SEMA6B: variants seen among roughly 807,000 people sequenced by gnomAD.
SEMA6B encodes the protein semaphorin-6B.
SEMA6B carries 47 observed loss-of-function variants against 78.6 expected under a neutral mutation model. The observed-to-expected ratio is 0.60, with a 90% CI of 0.47 to 0.76. SEMA6B has a LOEUF of 0.76. SEMA6B is among the 30% of genes least tolerant of loss of function. The pLI is 0.00. For missense variants in SEMA6B, 1,213 were observed against 1,269.9 expected (o/e 0.96, Z 0.68); for synonymous variants, 632 against 592.2 (o/e 1.07, Z -0.98).
Position 4,542,723 on chromosome 19 carries a change from CG to C in SEMA6B, c.*877del, listed in dbSNP as rs1406764807. 5.8e-6 allele frequency: 4 copies of C among 688,308 alleles called. No homozygotes were observed. In the African/African-American group the frequency reaches 7.0e-5, roughly 12 times the overall value. 42.6% of individuals were successfully genotyped at this position (688,308 alleles called of 1,614,324 possible). A position where few individuals can be genotyped will look rare whatever the true frequency, so the allele number is the denominator to read the frequency against. ...TCAGAGGGGGGAGGTCACAAGGGGA[CG>C]GGTGGCATGGGACTCTCTCACCACC... On this transcript the variant is annotated 3_prime_UTR_variant, in exon 17 of 17. Coordinates refer to ENST00000586582, the MANE Select transcript of SEMA6B (RefSeq NM_032108.4).
chr19:4,550,272 C>A lies in SEMA6B; in HGVS notation c.1122G>T (p.Arg374=). The A allele has an allele frequency of 1.2e-5, 19 of 1,613,556 alleles. No individual in the cohort carries two copies. The highest frequency in any genetic ancestry group is 1.6e-5 in the Non-Finnish European group (19 of 1,179,954). Residue 374 remains arginine (R), a splice_region_variant and synonymous_variant, in exon 12 of 17, where the codon CGG becomes CGT. Transcript: ENST00000586582. The surrounding 1 kb of genome is among the most constrained non-coding windows in gnomAD (Gnocchi z 6.6). The part of the protein sequence containing the change: ...PVPEDQVPRP[R]PGCCAAPGMQ... ...TCCCGGGGGCTGCGCAGCACCCGGGCCTGGGGGTGACAAGGGTGTGGTCAG... is the reference window on the plus strand; with the variant it reads ...TCCCGGGGGCTGCGCAGCACCCGGGACTGGGGGTGACAAGGGTGTGGTCAG...
intron 12 of SEMA6B, 119 bp from the exon 13 acceptor site, chr19:4,548,564 CA>C (rs1182957279): frequency 2.2e-6 from 2 of 907,016 alleles, no homozygotes; most frequent in Non-Finnish European, 3.4e-6. Flanking sequence ...CATGTGACAG[CA>C]ATAAATGCGT....
chr19:4,550,654 A>G lies in SEMA6B; in HGVS notation c.1121+145T>C. 1 of 1,029,644 alleles carries G rather than the reference A, an allele frequency of 9.7e-7. No individual in the cohort carries two copies. Among genetic ancestry groups the G allele is most frequent in the African/African-American group, 1.6e-5 (1 of 61,850 alleles). 63.8% of individuals were successfully genotyped at this position (1,029,644 alleles called of 1,614,324 possible). A position where few individuals can be genotyped will look rare whatever the true frequency, so the allele number is the denominator to read the frequency against. Reference sequence around the variant, plus strand: ...GCTAGGATTACAGGCGTGAGCCACCACACCAGGCCTCAGTTTTTCCCAACT... The same window carrying G: ...GCTAGGATTACAGGCGTGAGCCACCGCACCAGGCCTCAGTTTTTCCCAACT... On this transcript the variant is annotated intron_variant, in intron 11 of 16. Transcript: ENST00000586582. This position sits in a 1 kb window ranked among gnomAD's most constrained non-coding sequence, Gnocchi z 6.6.
intron 9 of SEMA6B, among the ~76,000 whole-genome samples, chr19:4,553,413 A>ATGGATGGATG (rs1977384124): frequency 1.1e-4 from 4 of 35,442 alleles, no homozygotes; most frequent in African/African-American, 3.0e-4. Flanking sequence ...ATGGATGGAT[A>ATGGATGGATG]GGTGAGTTGG....
chr19:4,553,028 A>C (rs1977372369), intron 9 of SEMA6B, among the ~76,000 whole-genome samples: 1 of 152,222 alleles, frequency 6.6e-6, no homozygotes. Context: ...CAGTCTGTGC[A>C]CTTCAGCACT....
At chr19:4,553,524 A>G (rs545886531) in intron 9 of SEMA6B, among the ~76,000 whole-genome samples, 30 of 142,952 alleles carry the variant, frequency 2.1e-4, no homozygotes, top group Middle Eastern at 3.8e-3. Context: ...AGATAAATGG[A>G]TGGATAGATG....
Position 4,556,045 on chromosome 19 carries a change from C to G in SEMA6B, c.414G>C (p.Glu138Asp), listed in dbSNP as rs761040774. Residue 138 changes from glutamate to aspartate, a missense_variant, in exon 6 of 17, where the codon GAG becomes GAC. By Grantham distance (45) the Glu-to-Asp change is conservative (BLOSUM62 2). Transcript: ENST00000586582. The part of the protein sequence containing the change: ...NFVKVLLLRD[E>D]STLFVCGSNA... The stretch of plus-strand genomic sequence containing the variant: ...TGGAACCGCACACAAAGAGCGTGGA[C>G]TCGTCCCGAAGGAGCAGCACCTTTA... The G allele has an allele frequency of 4.3e-6, 7 of 1,614,162 alleles. No homozygotes were observed. The highest frequency in any genetic ancestry group is 5.9e-6 in the Non-Finnish European group (7 of 1,180,024).
chr19:4,546,360 C>T (rs1261186403), intron 15 of SEMA6B, 32 bp downstream of exon 15: 4 of 1,585,654 alleles, frequency 2.5e-6, no homozygotes, highest in Admixed American at 3.6e-5. Flanking sequence ...GGGTCTGACA[C>T]ACCCTCCACC....
intron 1 of SEMA6B, among the ~76,000 whole-genome samples, chr19:4,559,022 T>C (rs1255450546): frequency 6.6e-6 from 1 of 152,000 alleles, no homozygotes. Flanking sequence ...AGCGAAACCC[T>C]GTCTCTACAA....
Position 4,546,256 on chromosome 19 carries a change from G to A in SEMA6B, c.1698C>T (p.Asp566=), listed in dbSNP as rs765587536. The change falls in exon 16 of 17, where the codon GAC becomes GAT. Residue 566 remains aspartate (D), a synonymous_variant. Coordinates refer to ENST00000586582, the MANE Select transcript of SEMA6B (RefSeq NM_032108.4). ...AGCCTGAGGTGCTGGCCCCGGACAC[G>A]TCCTGCTCAAAGGCGGCTCTAATGG... The part of the protein sequence containing the change: ...SPGTRAAFEQ[D]VSGASTSGLG... The A allele has an allele frequency of 2.8e-5, 45 of 1,613,250 alleles. No individual in the cohort carries two copies. Among genetic ancestry groups the A allele is most frequent in the African/African-American group, 5.3e-5 (4 of 74,912 alleles).
chr19:4,557,580 A>T (rs980478263), intron 3 of SEMA6B, among the ~76,000 whole-genome samples: 1 of 152,202 alleles, frequency 6.6e-6, no homozygotes, highest in African/African-American at 2.4e-5. Context: ...AGTTAAGCCC[A>T]GTGGTCACTT....
intron 12 of SEMA6B, among the ~76,000 whole-genome samples, chr19:4,549,844 C>G (rs1015943484): frequency 2.0e-5 from 3 of 151,574 alleles, no homozygotes; most frequent in Non-Finnish European, 4.4e-5. Flanking sequence ...AATTCCTGGC[C>G]TTAGGTGATC....
In SEMA6B at chr19:4,558,294, C is replaced by G. The variant is rs1197316393; in HGVS notation, c.121+43G>C. 7.6e-7 allele frequency: 1 copy of G among 1,314,006 alleles called. No homozygotes were observed. The highest frequency in any genetic ancestry group is 9.8e-7 in the Non-Finnish European group (1 of 1,021,828). The allele number at this position is 1,314,006 out of a possible 1,614,324, so 81.4% of individuals were successfully genotyped here. A position where few individuals can be genotyped will look rare whatever the true frequency, so the allele number is the denominator to read the frequency against. On this transcript the variant is annotated intron_variant, in intron 2 of 16. Coordinates refer to ENST00000586582, the MANE Select transcript of SEMA6B (RefSeq NM_032108.4). The surrounding 1 kb of genome is among the most constrained non-coding windows in gnomAD (Gnocchi z 5.1). Reference sequence around the variant, plus strand: ...AGACCCAACTGGGAACCCAGATACTCCCACGGGACTCCACCCCCGCCCAAA... The same window carrying G: ...AGACCCAACTGGGAACCCAGATACTGCCACGGGACTCCACCCCCGCCCAAA...
At chr19:4,551,055 C>T in intron 10 of SEMA6B, 125 bp from the exon 11 acceptor site, 4 of 1,043,564 alleles carry the variant, frequency 3.8e-6, no homozygotes, top group Non-Finnish European at 5.7e-6. Context: ...AGAGATGTCC[C>T]CTGTCCCTCC....
Position 4,555,684 on chromosome 19 carries a change from G to T in SEMA6B, c.472-120C>A. 1 of 831,582 alleles carries T rather than the reference G, an allele frequency of 1.2e-6. No individual in the cohort carries two copies. Among genetic ancestry groups the T allele is most frequent in the Non-Finnish European group, 1.9e-6 (1 of 515,158 alleles). 51.5% of individuals were successfully genotyped at this position (831,582 alleles called of 1,614,324 possible). A position where few individuals can be genotyped will look rare whatever the true frequency, so the allele number is the denominator to read the frequency against. ...CACCACGGATTACTGTGTGACCTTG[G>T]CCACTCACTTAACCTCTCAGGGCCT... On this transcript the variant is annotated intron_variant, in intron 6 of 16. Coordinates refer to ENST00000586582, the MANE Select transcript of SEMA6B (RefSeq NM_032108.4). This position sits in a 1 kb window ranked among gnomAD's most constrained non-coding sequence, Gnocchi z 6.1.
At chr19:4,546,179 G>C in intron 16 of SEMA6B, 37 bp downstream of exon 16, 1 of 1,570,776 alleles carries the variant, frequency 6.4e-7, no homozygotes, top group Non-Finnish European at 8.6e-7. Context: ...ATGGTAGTGG[G>C]GGATGGGGGT....
At position 4,555,309 on chromosome 19, in the gene SEMA6B, C is replaced by A. The variant is rs1977438301; in HGVS notation, c.562+165G>T. Among the ~76,000 whole-genome samples the A allele has an allele frequency of 6.6e-6, 1 of 152,146 alleles. No individual in the cohort carries two copies. Among genetic ancestry groups the A allele is most frequent in the South Asian group, 2.1e-4 (1 of 4,828 alleles). ...GGCTAAGCCCCAAATCCCGCTGAGC[C>A]TCAATCCCAGCTGAGCCCCAAACCT... On this transcript the variant is annotated intron_variant, in intron 7 of 16. Coordinates refer to ENST00000586582, the MANE Select transcript of SEMA6B (RefSeq NM_032108.4). The surrounding 1 kb of genome is among the most constrained non-coding windows in gnomAD (Gnocchi z 6.1).
In SEMA6B at chr19:4,543,655, C is replaced by A; in HGVS notation, c.2613G>T (p.Leu871Phe). The part of the protein sequence containing the change: ...RGCHARPGTD[L>F]AHLLPYGGAD... Reference sequence around the variant, plus strand: ...CCCCCCCATAGGGGAGGAGGTGGGCCAAGTCTGTGCCCGGCCGGGCGTGGC... The same window carrying A: ...CCCCCCCATAGGGGAGGAGGTGGGCAAAGTCTGTGCCCGGCCGGGCGTGGC... Residue 871 changes from leucine to phenylalanine, a missense_variant, in exon 17 of 17, where the codon TTG (leucine) becomes TTT (phenylalanine). Leu to Phe is a conservative substitution (Grantham distance 22). Transcript: ENST00000586582. The A allele has an allele frequency of 8.1e-7, 1 of 1,231,834 alleles. No homozygotes were observed. Among genetic ancestry groups the A allele is most frequent in the Middle Eastern group, 3.1e-4 (1 of 3,252 alleles). 76.3% of individuals were successfully genotyped at this position (1,231,834 alleles called of 1,614,324 possible).
In SEMA6B at chr19:4,550,671, T is replaced by C; in HGVS notation, c.1121+128A>G. On this transcript the variant is annotated intron_variant, in intron 11 of 16. Coordinates refer to ENST00000586582, the MANE Select transcript of SEMA6B (RefSeq NM_032108.4). The surrounding 1 kb of genome is among the most constrained non-coding windows in gnomAD (Gnocchi z 6.6). ...GAGCCACCACACCAGGCCTCAGTTT[T>C]TCCCAACTGTATAACGGGTACAGCT... The C allele has an allele frequency of 8.2e-7, 1 of 1,226,420 alleles. No homozygotes were observed. The highest frequency in any genetic ancestry group is 2.5e-5 in the Admixed American group (1 of 39,754). The allele number at this position is 1,226,420 out of a possible 1,614,324, so 76.0% of individuals were successfully genotyped here.
Sources: gnomAD v4.1 joint callset for allele counts (sites outside exome capture counted in the v4.1 genomes callset) on GRCh38, gnomAD v4.1.1 for gene constraint, Gnocchi (gnomAD v3.1) non-coding constraint, MANE v1.5 for transcripts, NCBI Gene and HGNC (gene_info 2026-07-23, HGNC 2026-07-21) for gene names.